Variants in NTM observed in about 807,000 individuals in gnomAD.
NTM encodes the protein IgLON family member 2.
In NTM, 13 loss-of-function variants were observed where a neutral mutation model predicts 42.1. The ratio of observed to expected loss-of-function variants is 0.31; its 90% CI spans 0.20 to 0.49. The LOEUF (loss-of-function observed/expected upper bound fraction) is 0.49, where lower values mean the gene tolerates loss of function less well. Ranked by LOEUF, NTM falls within the 20% of genes least tolerant of loss-of-function variation. The probability of loss-of-function intolerance (pLI) is 0.99; values close to 1 mark genes in which losing one functional copy is unlikely to be tolerated. For synonymous variants in NTM, 187 were observed against 179.2 expected (o/e 1.04, Z -0.35); for missense variants, 373 against 452.8 (o/e 0.82, Z 1.60).
intron 1 of NTM, among the ~76,000 whole-genome samples, chr11:131,778,508 A>C (rs1452922861): frequency 6.6e-6 from 1 of 152,218 alleles, no homozygotes; most frequent in Non-Finnish European, 1.5e-5. Context: ...ATGGAAGTCA[A>C]CTACAAGAGA....
chr11:131,764,507 G>T (rs2084793702), intron 1 of NTM, among the ~76,000 whole-genome samples: 1 of 152,160 alleles, frequency 6.6e-6, no homozygotes, highest in African/African-American at 2.4e-5. Context: ...AGAGAGCATG[G>T]GGTTTGGATT....
intron 4 of NTM, among the ~76,000 whole-genome samples, chr11:132,216,562 G>A (rs2083902957): frequency 6.6e-6 from 1 of 152,198 alleles, no homozygotes; most frequent in African/African-American, 2.4e-5. Flanking sequence ...GGGATATTCA[G>A]CAAAGCCCTG....
intron 1 of NTM, among the ~76,000 whole-genome samples, chr11:131,598,616 A>G (rs1565684635): frequency 6.6e-6 from 1 of 152,124 alleles, no homozygotes; most frequent in African/African-American, 2.4e-5. Context: ...CAAAAGCTGC[A>G]CCATCCGAAC....
intron 1 of NTM, among the ~76,000 whole-genome samples, chr11:131,828,907 A>G (rs554007616): frequency 6.6e-6 from 1 of 152,218 alleles, no homozygotes; most frequent in Admixed American, 6.5e-5. Context: ...TTTTAGCCTT[A>G]TGACTACTTA....
chr11:132,183,215 C>T (rs896517550), intron 3 of NTM, among the ~76,000 whole-genome samples: 1 of 152,158 alleles, frequency 6.6e-6, no homozygotes, highest in Non-Finnish European at 1.5e-5. Flanking sequence ...TAATAATCAA[C>T]ACATTTGTAA....
intron 1 of NTM, among the ~76,000 whole-genome samples, chr11:131,719,723 T>C (rs530833510): frequency 6.6e-6 from 1 of 152,316 alleles, no homozygotes; most frequent in Non-Finnish European, 1.5e-5. Flanking sequence ...ATTTTAAGCG[T>C]CCTGTTGTGC....
chr11:131,392,665 T>C (rs973565279), intron 1 of NTM, among the ~76,000 whole-genome samples: 1 of 152,116 alleles, frequency 6.6e-6, no homozygotes, highest in Non-Finnish European at 1.5e-5. Flanking sequence ...AGGAAGCACT[T>C]TCCCTGCTCT....
At chr11:131,641,329 T>C (rs938946964) in intron 1 of NTM, among the ~76,000 whole-genome samples, 4 of 152,202 alleles carry the variant, frequency 2.6e-5, no homozygotes, top group Non-Finnish European at 4.4e-5. Context: ...TGTTTTCTCA[T>C]TGATAAAAAG....
intron 1 of NTM, among the ~76,000 whole-genome samples, chr11:131,386,811 T>C (rs1439704782): frequency 2.0e-5 from 3 of 152,226 alleles, no homozygotes; most frequent in Admixed American, 2.0e-4. Flanking sequence ...CTGTCTTTTC[T>C]CTGGACTTTA....
chr11:131,395,087 C>T (rs1944408309), intron 1 of NTM, among the ~76,000 whole-genome samples: 1 of 152,108 alleles, frequency 6.6e-6, no homozygotes, highest in Non-Finnish European at 1.5e-5. Context: ...CAGTGGGAGC[C>T]AGGCTGCCTT....
At chr11:132,110,154 A>G (rs1488949629) in intron 2 of NTM, among the ~76,000 whole-genome samples, 1 of 152,222 alleles carries the variant, frequency 6.6e-6, no homozygotes, top group Admixed American at 6.5e-5. Context: ...TGAGTAGTGC[A>G]TAGGCTCCAG....
chr11:132,250,022 T>A (rs2091749932), intron 4 of NTM, among the ~76,000 whole-genome samples: 1 of 152,258 alleles, frequency 6.6e-6, no homozygotes. Flanking sequence ...ATTATTTTCC[T>A]TCTGCCTTAA....
intron 1 of NTM, among the ~76,000 whole-genome samples, chr11:131,567,289 C>T (rs954677541): frequency 2.0e-5 from 3 of 152,064 alleles, no homozygotes; most frequent in African/African-American, 7.2e-5. Context: ...AAGTTTGAGA[C>T]CAGCCTGGCC....
intron 7 of NTM, among the ~76,000 whole-genome samples, chr11:132,316,040 C>A (rs772290498): frequency 6.6e-6 from 1 of 152,062 alleles, no homozygotes; most frequent in East Asian, 1.9e-4. Context: ...ATCTAAGGCT[C>A]CCCCTCAGTT....
At chr11:132,024,982 T>C (rs2135570669) in intron 2 of NTM, among the ~76,000 whole-genome samples, 1 of 152,266 alleles carries the variant, frequency 6.6e-6, no homozygotes, top group Middle Eastern at 3.4e-3. Flanking sequence ...AGTCTCCTTA[T>C]TGCCTGGAGT....
chr11:131,753,171 C>A (rs1190398312), intron 1 of NTM, among the ~76,000 whole-genome samples: 1 of 152,064 alleles, frequency 6.6e-6, no homozygotes, highest in African/African-American at 2.4e-5. Flanking sequence ...CAGAGAAATG[C>A]AAATCAAAAC....
intron 1 of NTM, among the ~76,000 whole-genome samples, chr11:131,894,496 T>C (rs1240585173): frequency 1.3e-5 from 2 of 152,184 alleles, no homozygotes; most frequent in African/African-American, 4.8e-5. Flanking sequence ...GCTTGGGGCC[T>C]GACAGACATG....
At chr11:132,032,161 T>C (rs2076012055) in intron 2 of NTM, among the ~76,000 whole-genome samples, 1 of 152,142 alleles carries the variant, frequency 6.6e-6, no homozygotes, top group Non-Finnish European at 1.5e-5. Context: ...CACTACTGTG[T>C]TCAAGCCATT....
chr11:131,880,074 G>A (rs580835), intron 1 of NTM, among the ~76,000 whole-genome samples: 9,636 of 152,102 alleles, frequency 0.063, 343 homozygotes, highest in East Asian at 0.16. Context: ...TTTCTATTCC[G>A]CCTCCCTACC....
Sources: gnomAD v4.1 joint callset for allele counts (sites outside exome capture counted in the v4.1 genomes callset) on GRCh38, gnomAD v4.1.1 for gene constraint, MANE v1.5 for transcripts, NCBI Gene and HGNC (gene_info 2026-07-23, HGNC 2026-07-21) for gene names.